SHC3: variants seen among roughly 807,000 people sequenced by gnomAD.
The protein encoded by SHC3 is SHC adaptor protein 3.
A neutral mutation model predicts 60.4 loss-of-function variants in SHC3; 15 were observed. The observed-to-expected ratio is 0.25, with a 90% confidence interval of 0.17 to 0.38. SHC3 has a LOEUF of 0.38. Ranked by LOEUF, SHC3 falls within the 10% of genes least tolerant of loss-of-function variation. SHC3 has a pLI of 1.00. For missense variants in SHC3, 677 were observed against 786.1 expected (o/e 0.86, Z 1.66); for synonymous variants, 294 against 325.9 (o/e 0.90, Z 1.05).
At chr9:89,122,854 C>T (rs1826111609) in intron 1 of SHC3, among the ~76,000 whole-genome samples, 1 of 152,140 alleles carries the variant, frequency 6.6e-6, no homozygotes, top group Non-Finnish European at 1.5e-5. Flanking sequence ...ACTTCTGTTA[C>T]CAAGGGATGG....
At chr9:89,176,241 T>G (rs922699989) in intron 1 of SHC3, among the ~76,000 whole-genome samples, 41 of 152,362 alleles carry the variant, frequency 2.7e-4, no homozygotes, top group African/African-American at 9.4e-4. Context: ...ATGCTGCCAG[T>G]AAGTCACAAA....
intron 11 of SHC3, among the ~76,000 whole-genome samples, chr9:89,032,340 G>A (rs1463163547): frequency 1.3e-5 from 2 of 152,172 alleles, no homozygotes; most frequent in Non-Finnish European, 2.9e-5. Context: ...TTTCCAGCAT[G>A]TGCTCTTAAA....
At chr9:89,086,278 G>T (rs1825528863) in intron 2 of SHC3, among the ~76,000 whole-genome samples, 1 of 151,790 alleles carries the variant, frequency 6.6e-6, no homozygotes, top group African/African-American at 2.4e-5. Context: ...GTCCCACAGG[G>T]GTAAAATAAA....
At chr9:89,053,134 G>T (rs553963559) in intron 6 of SHC3, among the ~76,000 whole-genome samples, 1 of 152,342 alleles carries the variant, frequency 6.6e-6, no homozygotes, top group Non-Finnish European at 1.5e-5. Context: ...CTGTCGCCAT[G>T]AGGAGCCTAG....
intron 11 of SHC3, among the ~76,000 whole-genome samples, chr9:89,019,973 T>A (rs531424398): frequency 6.6e-6 from 1 of 152,292 alleles, no homozygotes; most frequent in African/African-American, 2.4e-5. Context: ...GAAAGCAACA[T>A]CTACTCCTAA....
chr9:89,050,614 C>T (rs1824846996), intron 7 of SHC3, among the ~76,000 whole-genome samples: 1 of 152,106 alleles, frequency 6.6e-6, no homozygotes, highest in African/African-American at 2.4e-5. Context: ...TCTTTCCATA[C>T]ATTTATTTAT....
At chr9:89,071,075 G>T in intron 5 of SHC3, 124 bp downstream of exon 5, 1 of 780,584 alleles carries the variant, frequency 1.3e-6, no homozygotes, top group Non-Finnish European at 2.0e-6. Flanking sequence ...AAATCAGGAG[G>T]GGGAAATTAG....
In SHC3 at chr9:89,121,537, A is replaced by C. The variant is rs557925072; in HGVS notation, c.475-8911T>G. On this transcript the variant is annotated intron_variant, in intron 1 of 11. Coordinates refer to ENST00000375835, the MANE Select transcript of SHC3 (RefSeq NM_016848.6). Reference sequence around the variant, plus strand: ...ACTCCCGACCTCAGGAGATCTGCCCACCTTGGCCTCCCAAAGTGCTGGGAT... The same window carrying C: ...ACTCCCGACCTCAGGAGATCTGCCCCCCTTGGCCTCCCAAAGTGCTGGGAT... 9.2e-5 allele frequency among the ~76,000 whole-genome samples: 14 copies of C among 152,242 alleles called. No homozygotes were observed. The South Asian group carries it at 2.3e-3, about 25-fold the overall frequency.
At chr9:89,091,085 G>A (rs1287898489) in intron 2 of SHC3, among the ~76,000 whole-genome samples, 2 of 152,200 alleles carry the variant, frequency 1.3e-5, no homozygotes, top group Admixed American at 1.3e-4. Context: ...ACATTATTAT[G>A]AAGTAAATTC....
intron 2 of SHC3, among the ~76,000 whole-genome samples, chr9:89,094,084 AC>A (rs1297973805): frequency 2.7e-5 from 4 of 150,488 alleles, no homozygotes; most frequent in African/African-American, 9.8e-5. Context: ...AGCCTAGGGT[AC>A]AGAGTAAGAC....
At chr9:89,116,005 C>T (rs1028175986) in intron 1 of SHC3, among the ~76,000 whole-genome samples, 6 of 151,986 alleles carry the variant, frequency 3.9e-5, no homozygotes, top group African/African-American at 7.3e-5. Flanking sequence ...AGGCAAGTAC[C>T]ATAATTAATG....
chr9:89,022,372 G>A (rs1014789000), intron 11 of SHC3, among the ~76,000 whole-genome samples: 5 of 152,106 alleles, frequency 3.3e-5, no homozygotes, highest in African/African-American at 1.2e-4. Context: ...TCTGGCCACC[G>A]TCACCTGTGG....
intron 2 of SHC3, among the ~76,000 whole-genome samples, chr9:89,094,606 GGATCATTAT>G (rs1420811012): frequency 6.6e-6 from 1 of 152,102 alleles, no homozygotes; most frequent in Non-Finnish European, 1.5e-5. Flanking sequence ...AATATTGTAG[GGATCATTAT>G]GATTTCCTTT....
chr9:89,127,486 T>C (rs1222253625), intron 1 of SHC3, among the ~76,000 whole-genome samples: 1 of 152,182 alleles, frequency 6.6e-6, no homozygotes, highest in Non-Finnish European at 1.5e-5. Context: ...GAACCTGTTT[T>C]GGAAAAAACC....
chr9:89,017,252 A>G (rs1826112779), intron 11 of SHC3, among the ~76,000 whole-genome samples: 2 of 152,258 alleles, frequency 1.3e-5, no homozygotes, highest in African/African-American at 4.8e-5. Context: ...AAATTATACT[A>G]CAAGGCTACA....
chr9:89,026,353 C>T (rs1054047984), intron 11 of SHC3, among the ~76,000 whole-genome samples: 1 of 151,976 alleles, frequency 6.6e-6, no homozygotes, highest in African/African-American at 2.4e-5. Flanking sequence ...ATGGTAAAAC[C>T]TTGGTCTCCA....
At chr9:89,099,938 T>G (rs1221191953) in intron 2 of SHC3, among the ~76,000 whole-genome samples, 1 of 152,254 alleles carries the variant, frequency 6.6e-6, no homozygotes, top group Admixed American at 6.5e-5. Context: ...TCACAAGACA[T>G]AGTTATTTTC....
chr9:89,018,018 T>C (rs1223220457), intron 11 of SHC3, among the ~76,000 whole-genome samples: 8 of 152,078 alleles, frequency 5.3e-5, no homozygotes, highest in Non-Finnish European at 1.0e-4. Context: ...TGTGGAAAAA[T>C]AGGAACACTT....
At position 89,011,766 on chromosome 9, in the gene SHC3, A is replaced by T. The variant is rs1272450114; in HGVS notation, c.*1681T>A. 2 of 152,276 alleles carry T rather than the reference A, an allele frequency of 1.3e-5. No individual in the cohort carries two copies. The highest frequency in any genetic ancestry group is 2.9e-5 in the Non-Finnish European group (2 of 68,102). 9.4% of individuals were successfully genotyped at this position (152,276 alleles called of 1,614,324 possible). A position where few individuals can be genotyped will look rare whatever the true frequency, so the allele number is the denominator to read the frequency against. ...AATCCACTGCAGAACATTCTAGAAC[A>T]CTGACTTCACTGTCATCTCAAATTC... On this transcript the variant is annotated 3_prime_UTR_variant, in exon 12 of 12. Coordinates refer to ENST00000375835, the MANE Select transcript of SHC3 (RefSeq NM_016848.6).
Sources: gnomAD v4.1 joint callset for allele counts (sites outside exome capture counted in the v4.1 genomes callset) on GRCh38, gnomAD v4.1.1 for gene constraint, MANE v1.5 for transcripts, NCBI Gene and HGNC (gene_info 2026-07-23, HGNC 2026-07-21) for gene names.